The following PRRC2C variants were observed in gnomAD, a reference collection of about 807,000 sequenced individuals.
PRRC2C encodes proline rich coiled-coil 2C, also known as protein PRRC2C.
PRRC2C carries 72 observed loss-of-function variants against 317.2 expected under a neutral mutation model. The ratio of observed to expected loss-of-function variants is 0.23; its 90% CI spans 0.19 to 0.28. The LOEUF (loss-of-function observed/expected upper bound fraction) is 0.28. Ranked by LOEUF, PRRC2C falls within the 10% of genes least tolerant of loss-of-function variation. PRRC2C has a pLI of 1.00. For synonymous variants in PRRC2C, 1,296 were observed against 1,205.9 expected (o/e 1.07, Z -1.55); for missense variants, 3,074 against 3,459.7 (o/e 0.89, Z 2.80).
At chr1:171,571,269 T>C in intron 23 of PRRC2C, 51 bp from the exon 24 acceptor site, 2 of 1,097,410 alleles carry the variant, frequency 1.8e-6, no homozygotes, top group Non-Finnish European at 2.8e-6. Context: ...TAATGGGGCT[T>C]TCGTAGTAGA....
At chr1:171,513,465 A>G (rs1484399331) in intron 3 of PRRC2C, 1 of 509,192 alleles carries the variant, frequency 2.0e-6, no homozygotes, top group Non-Finnish European at 3.8e-6. Flanking sequence ...TTCCCTTTCC[A>G]ATATGATTAA....
intron 20 of PRRC2C, among the ~76,000 whole-genome samples, chr1:171,564,226 G>A (rs1329279598): frequency 6.6e-6 from 1 of 152,040 alleles, no homozygotes; most frequent in African/African-American, 2.4e-5. Flanking sequence ...AGTTATCAAC[G>A]TTAGTTACAC....
At chr1:171,517,957 A>G (rs1334897940) in intron 6 of PRRC2C, 143 bp downstream of exon 6, 7 of 686,468 alleles carry the variant, frequency 1.0e-5, no homozygotes, top group African/African-American at 3.6e-5. Context: ...ATTGTATGGT[A>G]TATTGTGAGA....
intron 11 of PRRC2C, among the ~76,000 whole-genome samples, chr1:171,529,402 C>G (rs1675361522): frequency 6.6e-6 from 1 of 152,198 alleles, no homozygotes; most frequent in African/African-American, 2.4e-5. Context: ...CACACACCCC[C>G]ACCTTTCCTG....
At chr1:171,582,667 A>G (rs937857049) in intron 28 of PRRC2C, among the ~76,000 whole-genome samples, 1 of 152,164 alleles carries the variant, frequency 6.6e-6, no homozygotes, top group Non-Finnish European at 1.5e-5. Context: ...TAAACAATCT[A>G]AACAGAAAAG....
intron 1 of PRRC2C, among the ~76,000 whole-genome samples, chr1:171,497,446 C>G (rs571214220): frequency 1.3e-5 from 2 of 152,106 alleles, no homozygotes; most frequent in Non-Finnish European, 2.9e-5. Context: ...CCTTCTTAGT[C>G]CTAATCTGGT....
intron 7 of PRRC2C, 139 bp from the exon 8 acceptor site, chr1:171,523,082 A>T: frequency 1.4e-6 from 1 of 717,970 alleles, no homozygotes; most frequent in East Asian, 2.7e-5. Flanking sequence ...TTTTTCATAC[A>T]CATGTCCATG....
At chr1:171,590,641 TAA>T (rs1651213343) in intron 34 of PRRC2C, among the ~76,000 whole-genome samples, 1 of 152,212 alleles carries the variant, frequency 6.6e-6, no homozygotes, top group Admixed American at 6.5e-5. Context: ...TAATCAAATT[TAA>T]AGACTACCCA....
intron 1 of PRRC2C, among the ~76,000 whole-genome samples, chr1:171,508,978 C>A (rs1670785064): frequency 6.6e-6 from 1 of 152,082 alleles, no homozygotes; most frequent in Non-Finnish European, 1.5e-5. Flanking sequence ...GCTCCGCCTT[C>A]CAGGTTGAAG....
In PRRC2C at chr1:171,540,739, A is replaced by G; in HGVS notation, c.3273A>G (p.Ser1091=). 1 of 1,614,020 alleles carries G rather than the reference A, an allele frequency of 6.2e-7. No individual in the cohort carries two copies. Among genetic ancestry groups the G allele is most frequent in the Middle Eastern group, 1.6e-4 (1 of 6,062 alleles). ...AACCAGAAGCAGAGAAATTTCCTTC[A>G]ACAGAAACTGCAACTTTGGCTCAAA... ...PIQPEAEKFP[S]TETATLAQKP... is the part of the protein sequence containing the mutation. Residue 1091 remains serine (S), a synonymous_variant, in exon 16 of 35, where the codon TCA becomes TCG. Coordinates refer to ENST00000647382, the MANE Select transcript of PRRC2C (RefSeq NM_001387844.1).
chr1:171,559,505 G>GTTTTT lies in PRRC2C; in HGVS notation c.6031+1365_6031+1366insTTTTT, dbSNP rs1236663155. Reference sequence around the variant, plus strand: ...ATCTGTTTACAAAATGGCATACCAAGTTTGTTTTTTTTTTTTTTTTTTTTT... The same window carrying GTTTTT: ...ATCTGTTTACAAAATGGCATACCAAGTTTTTTTTGTTTTTTTTTTTTTTTTTTTTT... On this transcript the variant is annotated intron_variant, in intron 19 of 34. Transcript: ENST00000647382. 4.4e-3 allele frequency among the ~76,000 whole-genome samples: 422 copies of GTTTTT among 95,128 alleles called. 156 individuals carry two copies. Among genetic ancestry groups the GTTTTT allele is most frequent in the African/African-American group, 9.0e-3 (224 of 24,880 alleles). The allele number at this position is 95,128 out of a possible 152,430, so 62.4% of individuals were successfully genotyped here. A position where few individuals can be genotyped will look rare whatever the true frequency, so the allele number is the denominator to read the frequency against.
chr1:171,502,947 T>C (rs752195268), intron 1 of PRRC2C, among the ~76,000 whole-genome samples: 13 of 152,266 alleles, frequency 8.5e-5, no homozygotes, highest in South Asian at 4.1e-4. Context: ...GGTCTCAAAC[T>C]CCTGACCTCA....
chr1:171,570,010 A>G (rs1320681180), intron 23 of PRRC2C, among the ~76,000 whole-genome samples: 5 of 152,244 alleles, frequency 3.3e-5, no homozygotes, highest in South Asian at 4.2e-4. Context: ...GAGACAACAG[A>G]CCCAGCCTCA....
chr1:171,530,643 G>GT (rs143166729), intron 11 of PRRC2C, among the ~76,000 whole-genome samples: 23,020 of 151,870 alleles, frequency 0.15, 2,354 homozygotes, highest in East Asian at 0.45. Flanking sequence ...GAAAATGTAA[G>GT]AATGGCCAGT....
At chr1:171,520,797 C>CTTTTTTTT in intron 6 of PRRC2C, among the ~76,000 whole-genome samples, 1 of 109,324 alleles carries the variant, frequency 9.1e-6, no homozygotes, top group Non-Finnish European at 1.8e-5. Context: ...ATTTCTTCTC[C>CTTTTTTTT]TTTTTTTTTT....
At chr1:171,522,009 G>A (rs762046020) in intron 6 of PRRC2C, among the ~76,000 whole-genome samples, 168 bp from the exon 7 acceptor site, 1 of 151,938 alleles carries the variant, frequency 6.6e-6, no homozygotes, top group Non-Finnish European at 1.5e-5. Flanking sequence ...CTTGGAAATG[G>A]GTTGCTATTG....
intron 17 of PRRC2C, 31 bp downstream of exon 17, chr1:171,545,718 T>G (rs1442260661): frequency 1.0e-6 from 1 of 955,832 alleles, no homozygotes; most frequent in Non-Finnish European, 1.3e-6. Flanking sequence ...ATTTTATTTA[T>G]TTATTTATTT....
intron 1 of PRRC2C, among the ~76,000 whole-genome samples, chr1:171,508,128 T>A (rs114053262): frequency 6.6e-6 from 1 of 152,326 alleles, no homozygotes; most frequent in Non-Finnish European, 1.5e-5. Flanking sequence ...TTGTGATACC[T>A]TTTATTCCTT....
chr1:171,532,540 G>A lies in PRRC2C; in HGVS notation c.1452G>A (p.Ala484=), dbSNP rs200015770. 456 of 1,594,716 alleles carry A rather than the reference G, an allele frequency of 2.9e-4. No homozygotes were observed. Among genetic ancestry groups the A allele is most frequent in the Non-Finnish European group, 3.5e-4 (408 of 1,170,812 alleles). The part of the protein sequence containing the change: ...RMEEQRKAAC[A]EKLKRLDEKL... ...AAGAACAAAGGAAGGCAGCTTGTGC[G>A]GAGAAACTGAAACGATTGGATGAGA... Residue 484 remains alanine (A), a synonymous_variant, in exon 12 of 35, where the codon GCG becomes GCA. Transcript: ENST00000647382.
Sources: allele counts gnomAD v4.1 joint callset (sites outside exome capture counted in the v4.1 genomes callset), GRCh38; gene constraint gnomAD v4.1.1; transcripts MANE v1.5; gene names NCBI Gene and HGNC (gene_info 2026-07-23, HGNC 2026-07-21).